Variants in BMP8B observed in about 807,000 individuals in gnomAD.
The protein encoded by BMP8B is bone morphogenetic protein 8 (osteogenic protein 2).
A neutral mutation model predicts 30.3 loss-of-function variants in BMP8B; 17 were observed. The ratio of observed to expected loss-of-function variants is 0.56; its 90% CI spans 0.38 to 0.84. The LOEUF (loss-of-function observed/expected upper bound fraction) is 0.84. BMP8B is among the 40% of genes least tolerant of loss of function. BMP8B has a pLI of 0.00. For synonymous variants in BMP8B, 131 were observed against 214.7 expected (o/e 0.61, Z 3.41); for missense variants, 253 against 494.6 (o/e 0.51, Z 4.63).
chr1:39,763,037 C>T (rs1265228056), intron 6 of BMP8B, 55 bp downstream of exon 6: 8 of 1,590,998 alleles, frequency 5.0e-6, no homozygotes, highest in East Asian at 4.5e-5. Context: ...GACCAGACCC[C>T]TCTCCACAGG....
chr1:39,786,015 G>A (rs1260023376), intron 1 of BMP8B, among the ~76,000 whole-genome samples: 1 of 152,198 alleles, frequency 6.6e-6, no homozygotes, highest in Non-Finnish European at 1.5e-5. Context: ...AATGCACAAA[G>A]CTGGTGTGGG....
intron 2 of BMP8B, 62 bp downstream of exon 2, chr1:39,774,787 C>T (rs980924084): frequency 2.0e-6 from 1 of 489,576 alleles, no homozygotes; most frequent in African/African-American, 4.7e-5. Context: ...TGCTGGGCTG[C>T]CTTGACCATG....
chr1:39,786,393 C>G (rs1238705574), intron 1 of BMP8B, among the ~76,000 whole-genome samples: 1 of 152,312 alleles, frequency 6.6e-6, no homozygotes, highest in Non-Finnish European at 1.5e-5. Context: ...TGCCCCTCTA[C>G]CAATCACACA....
At chr1:39,778,496 C>A (rs571626230) in intron 1 of BMP8B, among the ~76,000 whole-genome samples, 228 of 151,330 alleles carry the variant, frequency 1.5e-3, no homozygotes, top group African/African-American at 5.2e-3. Context: ...CCTGAAGGGG[C>A]TTCTCCCACC....
chr1:39,767,291 A>C (rs2124446866), intron 3 of BMP8B, among the ~76,000 whole-genome samples: 1 of 151,994 alleles, frequency 6.6e-6, no homozygotes, highest in African/African-American at 2.4e-5. Context: ...TAAGGCCCAG[A>C]GAGAGCAGCA....
rs1487023534 is a variant in BMP8B at position 39,762,593 on chromosome 1, A to G, written c.1059+499T>C. The stretch of plus-strand genomic sequence containing the variant: ...GATGGCCAAGAGAGAAACTGGGGGA[A>G]AAGCCAAAAGGTTGAGAGCCACACC... On this transcript the variant is annotated intron_variant, in intron 6 of 6. Coordinates refer to ENST00000372827, the MANE Select transcript of BMP8B (RefSeq NM_001720.5). 10 of 1,550,282 alleles carry G rather than the reference A, an allele frequency of 6.5e-6. No homozygotes were observed. In the South Asian group the frequency reaches 1.1e-4, roughly 17 times the overall value.
intron 1 of BMP8B, among the ~76,000 whole-genome samples, chr1:39,786,146 G>A (rs1229315160): frequency 6.6e-6 from 1 of 152,230 alleles, no homozygotes; most frequent in Non-Finnish European, 1.5e-5. Flanking sequence ...AGTCTCACAT[G>A]AGTTAAATGA....
chr1:39,786,571 C>T (rs1254725368), intron 1 of BMP8B, among the ~76,000 whole-genome samples: 2 of 152,200 alleles, frequency 1.3e-5, no homozygotes, highest in Non-Finnish European at 2.9e-5. Flanking sequence ...CAGGGGAGGT[C>T]GGATGTGGGC....
intron 1 of BMP8B, among the ~76,000 whole-genome samples, chr1:39,776,579 G>A (rs1287386023): frequency 3.3e-5 from 5 of 152,114 alleles, no homozygotes; most frequent in South Asian, 4.1e-4. Context: ...ACAGCTGTGC[G>A]GGGCAGGGGA....
intron 3 of BMP8B, chr1:39,771,318 G>C: frequency 7.1e-7 from 1 of 1,403,962 alleles, no homozygotes; most frequent in Non-Finnish European, 9.3e-7. Context: ...CGGGCCGCGC[G>C]TCACAGAGCA....
intron 1 of BMP8B, among the ~76,000 whole-genome samples, chr1:39,775,966 C>T (rs1650198654): frequency 6.6e-6 from 1 of 152,302 alleles, no homozygotes; most frequent in Admixed American, 6.5e-5. Context: ...ACCTCGCATG[C>T]ACAGGGTGGA....
intron 1 of BMP8B, among the ~76,000 whole-genome samples, chr1:39,780,703 GC>G (rs1410750355): frequency 6.6e-6 from 1 of 152,230 alleles, no homozygotes; most frequent in Non-Finnish European, 1.5e-5. Context: ...ACCAGCCTGG[GC>G]AACATCATGA....
In BMP8B at chr1:39,775,005, G is replaced by A. The variant is rs771400254; in HGVS notation, c.368C>T (p.Pro123Leu). 13 of 1,444,104 alleles carry A rather than the reference G, an allele frequency of 9.0e-6. No homozygotes were observed. The highest frequency in any genetic ancestry group is 1.5e-5 in the African/African-American group (1 of 68,666). The allele number at this position is 1,444,104 out of a possible 1,614,324, so 89.5% of individuals were successfully genotyped here. Residue 123 changes from proline (P) to leucine (L), a missense_variant, in exon 2 of 7, where the codon CCC (proline) becomes CTC (leucine). Coordinates refer to ENST00000372827, the MANE Select transcript of BMP8B (RefSeq NM_001720.5). ...GTCAAAGCGGAACTCCTTCCAATGGGGCTCCTGGTGGCCCAGGGCACGGTC... is the reference window on the plus strand; with the variant it reads ...GTCAAAGCGGAACTCCTTCCAATGGAGCTCCTGGTGGCCCAGGGCACGGTC... The part of the protein sequence containing the change: ...ERDRALGHQE[P>L]HWKEFRFDLT...
Position 39,771,893 on chromosome 1 carries a change from C to T in BMP8B, c.673+2415G>A, listed in dbSNP as rs550173118. Reference sequence around the variant, plus strand: ...CCCCGCCCTCTCCACCTCCCCCACTCCAGCTCCCTGCTCCAACTTGTGCGG... The same window carrying T: ...CCCCGCCCTCTCCACCTCCCCCACTTCAGCTCCCTGCTCCAACTTGTGCGG... On this transcript the variant is annotated intron_variant, in intron 3 of 6. Transcript: ENST00000372827. Among the ~76,000 whole-genome samples, 4 of 121,224 alleles carry T rather than the reference C, an allele frequency of 3.3e-5. No homozygotes were observed. In the East Asian group the frequency reaches 1.0e-3, roughly 31 times the overall value. 79.5% of individuals were successfully genotyped at this position (121,224 alleles called of 152,430 possible).
At chr1:39,763,063 G>T in intron 6 of BMP8B, 29 bp downstream of exon 6, 1 of 1,609,802 alleles carries the variant, frequency 6.2e-7, no homozygotes. Flanking sequence ...CCACCCCAGG[G>T]GGCTGGGCAG....
chr1:39,778,786 G>T (rs1650412843), intron 1 of BMP8B, among the ~76,000 whole-genome samples: 1 of 152,232 alleles, frequency 6.6e-6, no homozygotes, highest in African/African-American at 2.4e-5. Context: ...TGAACTGTGG[G>T]AATTTTCCAG....
intron 1 of BMP8B, among the ~76,000 whole-genome samples, chr1:39,777,903 G>C (rs530539404): frequency 6.6e-6 from 1 of 152,128 alleles, no homozygotes; most frequent in Non-Finnish European, 1.5e-5. Context: ...GGGTGGCCCC[G>C]TCCCTCTCAG....
chr1:39,760,316 G>A lies in BMP8B; in HGVS notation c.*103C>T. On this transcript the variant is annotated 3_prime_UTR_variant, in exon 7 of 7. Transcript: ENST00000372827. ...TACGTGGTTGTGAGGGTCCTCCCTG[G>A]CAATGCCCCGGCCTGGGGTCTGGCT... 1.3e-6 allele frequency: 2 copies of A among 1,536,030 alleles called. No individual in the cohort carries two copies. The highest frequency in any genetic ancestry group is 1.4e-5 in the African/African-American group (1 of 73,848).
chr1:39,783,978 C>A (rs983083352), intron 1 of BMP8B, among the ~76,000 whole-genome samples: 6 of 152,200 alleles, frequency 3.9e-5, no homozygotes, highest in Admixed American at 1.3e-4. Context: ...CAACACAGTC[C>A]ATTTCAGCAG....
Sources: allele counts gnomAD v4.1 joint callset (sites outside exome capture counted in the v4.1 genomes callset), GRCh38; gene constraint gnomAD v4.1.1; transcripts MANE v1.5; gene names NCBI Gene and HGNC (gene_info 2026-07-23, HGNC 2026-07-21).